The following MBNL1 variants were observed in gnomAD, a reference collection of about 807,000 sequenced individuals.
MBNL1 encodes muscleblind like splicing regulator 1, also known as muscleblind-like protein 1.
MBNL1 carries 8 observed loss-of-function variants against 42.2 expected under a neutral mutation model. The ratio of observed to expected loss-of-function variants is 0.19; its 90% CI spans 0.11 to 0.34. MBNL1 has a LOEUF of 0.34. MBNL1 is among the 10% of genes least tolerant of loss of function. The pLI is 1.00. For synonymous variants in MBNL1, 169 were observed against 173.9 expected (o/e 0.97, Z 0.22); for missense variants, 309 against 495.3 (o/e 0.62, Z 3.57).
chr3:152,384,294 A>G (rs558477564), intron 2 of MBNL1, among the ~76,000 whole-genome samples: 5 of 152,094 alleles, frequency 3.3e-5, no homozygotes, highest in South Asian at 2.1e-4. Flanking sequence ...TATCCATGTT[A>G]TCAGGGCATT....
chr3:152,413,463 G>A (rs2098636198), intron 2 of MBNL1, among the ~76,000 whole-genome samples: 1 of 152,136 alleles, frequency 6.6e-6, no homozygotes, highest in Admixed American at 6.5e-5. Context: ...GACCTGTAAG[G>A]TCTCTGCTAT....
At chr3:152,437,709 T>C (rs1560593188) in intron 4 of MBNL1, among the ~76,000 whole-genome samples, 1 of 152,094 alleles carries the variant, frequency 6.6e-6, no homozygotes, top group East Asian at 1.9e-4. Flanking sequence ...ATTCATATTA[T>C]CCTTTCTTTA....
intron 3 of MBNL1, among the ~76,000 whole-genome samples, chr3:152,425,305 C>G (rs1382367932): frequency 6.6e-6 from 1 of 151,762 alleles, no homozygotes; most frequent in East Asian, 1.9e-4. Context: ...TGAAAAAAAG[C>G]TCATCATCGG....
chr3:152,391,929 T>C (rs574710583), intron 2 of MBNL1, among the ~76,000 whole-genome samples: 3 of 152,278 alleles, frequency 2.0e-5, no homozygotes, highest in East Asian at 1.9e-4. Flanking sequence ...AATTCTCTTT[T>C]GGTGGGAAAG....
At chr3:152,277,356 G>A (rs2045863778) in intron 1 of MBNL1, among the ~76,000 whole-genome samples, 1 of 152,096 alleles carries the variant, frequency 6.6e-6, no homozygotes, top group African/African-American at 2.4e-5. Context: ...TAAAGTCCAT[G>A]CTCAGAATGC....
intron 2 of MBNL1, chr3:152,339,772 G>T (rs1304872140): frequency 6.6e-6 from 1 of 151,998 alleles, no homozygotes; most frequent in Non-Finnish European, 1.5e-5. Context: ...GAAAAATATT[G>T]ATCTTTGACA....
At chr3:152,406,911 C>G (rs1035837777) in intron 2 of MBNL1, among the ~76,000 whole-genome samples, 1 of 151,944 alleles carries the variant, frequency 6.6e-6, no homozygotes, top group African/African-American at 2.4e-5. Context: ...TGTTTAATGC[C>G]GTTAAAAAGA....
intron 2 of MBNL1, among the ~76,000 whole-genome samples, chr3:152,303,396 G>T (rs1164939200): frequency 6.6e-6 from 1 of 152,088 alleles, no homozygotes; most frequent in Non-Finnish European, 1.5e-5. Context: ...ATTTATAATA[G>T]TCTAAGAGCG....
intron 1 of MBNL1, among the ~76,000 whole-genome samples, chr3:152,287,779 A>C (rs1378873230): frequency 6.6e-6 from 1 of 152,196 alleles, no homozygotes; most frequent in Non-Finnish European, 1.5e-5. Context: ...ACTTTTTAAG[A>C]GCATATGATG....
At chr3:152,319,628 T>TTG (rs2075075263) in intron 2 of MBNL1, among the ~76,000 whole-genome samples, 1 of 146,184 alleles carries the variant, frequency 6.8e-6, no homozygotes. Flanking sequence ...TTTTTTTTTT[T>TTG]TTTTTTTTTT....
At chr3:152,452,221 A>T (rs1185373039) in intron 6 of MBNL1, among the ~76,000 whole-genome samples, 1 of 152,200 alleles carries the variant, frequency 6.6e-6, no homozygotes, top group African/African-American at 2.4e-5. Flanking sequence ...TTTAGGATCT[A>T]TTTATGTTAT....
At chr3:152,343,810 G>A (rs1343095431) in intron 2 of MBNL1, among the ~76,000 whole-genome samples, 1 of 152,084 alleles carries the variant, frequency 6.6e-6, no homozygotes, top group Non-Finnish European at 1.5e-5. Context: ...AGAATTGAAA[G>A]CCATTGGAAT....
chr3:152,245,646 G>C (rs981016653), intron 2 of MBNL1, among the ~76,000 whole-genome samples: 1 of 152,112 alleles, frequency 6.6e-6, no homozygotes, highest in African/African-American at 2.4e-5. Context: ...TTTGGTAAAT[G>C]GTGCTGTTAT....
chr3:152,311,102 G>A (rs894204352), intron 2 of MBNL1, among the ~76,000 whole-genome samples: 1 of 147,264 alleles, frequency 6.8e-6, no homozygotes, highest in Non-Finnish European at 1.5e-5. Flanking sequence ...TCCGCCTCCT[G>A]GGTTCAAGCG....
intron 2 of MBNL1, among the ~76,000 whole-genome samples, chr3:152,383,579 C>T (rs2097277170): frequency 1.3e-5 from 2 of 151,982 alleles, no homozygotes; most frequent in African/African-American, 2.4e-5. Flanking sequence ...ACAAAATCAA[C>T]AAAGGTTTCT....
intron 2 of MBNL1, among the ~76,000 whole-genome samples, chr3:152,387,879 T>C (rs2097519275): frequency 6.6e-6 from 1 of 152,180 alleles, no homozygotes; most frequent in African/African-American, 2.4e-5. Context: ...GCTAGTAGTC[T>C]AAGAAAAGGA....
intron 2 of MBNL1, among the ~76,000 whole-genome samples, chr3:152,360,730 A>T (rs76214063): frequency 0.02 from 3,007 of 152,238 alleles, 106 homozygotes; most frequent in African/African-American, 0.069. Context: ...AAATTATAAT[A>T]CTAGTATAAT....
chr3:152,297,492 G>A (rs894735535), intron 1 of MBNL1, among the ~76,000 whole-genome samples: 1 of 151,754 alleles, frequency 6.6e-6, no homozygotes, highest in Non-Finnish European at 1.5e-5. Context: ...TGGGATTACA[G>A]GTGCCTGCCA....
At chr3:152,340,491 C>G in intron 2 of MBNL1, 1 of 1,539,232 alleles carries the variant, frequency 6.5e-7, no homozygotes, top group Non-Finnish European at 8.7e-7. Flanking sequence ...ACTTATTTCT[C>G]AGAGTATATT....
Sources: gnomAD v4.1 joint callset for allele counts (sites outside exome capture counted in the v4.1 genomes callset) on GRCh38, gnomAD v4.1.1 for gene constraint, MANE v1.5 for transcripts, NCBI Gene and HGNC (gene_info 2026-07-23, HGNC 2026-07-21) for gene names.